Variants in PRKCQ observed in about 807,000 individuals in gnomAD.
The protein encoded by PRKCQ is protein kinase C theta, also known as protein kinase C theta type.
PRKCQ carries 41 observed loss-of-function variants against 91.2 expected under a neutral mutation model. The observed-to-expected ratio is 0.45, with a 90% CI of 0.35 to 0.58. The LOEUF (loss-of-function observed/expected upper bound fraction) is 0.58, where lower values mean the gene tolerates loss of function less well. Ranked by LOEUF, PRKCQ falls within the 20% of genes least tolerant of loss-of-function variation. The pLI is 0.00. For missense variants in PRKCQ, 673 were observed against 896.5 expected (o/e 0.75, Z 3.18); for synonymous variants, 307 against 316.9 (o/e 0.97, Z 0.33).
intron 11 of PRKCQ, among the ~76,000 whole-genome samples, 154 bp downstream of exon 11, chr10:6,483,286 C>CG (rs767150529): frequency 6.6e-5 from 10 of 152,096 alleles, no homozygotes; most frequent in Non-Finnish European, 1.3e-4. Context: ...CTAGAGCCCT[C>CG]GGGGTCCCTA....
rs376866174 is a variant in PRKCQ at position 6,497,547 on chromosome 10, A to T, written c.543-296T>A. The stretch of plus-strand genomic sequence containing the variant: ...AATGCATGCATCACAGACTCTTCGT[A>T]GCACGTTTCCCTGTGCTAGATTTAA... On this transcript the variant is annotated intron_variant, in intron 5 of 17. Coordinates refer to ENST00000263125, the MANE Select transcript of PRKCQ (RefSeq NM_006257.5). This position sits in a 1 kb window ranked among gnomAD's most constrained non-coding sequence, Gnocchi z 4.5. Among the ~76,000 whole-genome samples, 16 of 152,364 alleles carry T rather than the reference A, an allele frequency of 1.1e-4. No homozygotes were observed. The East Asian group carries it at 2.7e-3, about 26-fold the overall frequency.
At position 6,478,848 on chromosome 10, in the gene PRKCQ, G is replaced by A. The variant is rs1208504593; in HGVS notation, c.1353+144C>T. ...GTAATACTTCCATGGTGTGTAGAAG[G>A]GATGTTTGGATGGATGGCAGGTACA... On this transcript the variant is annotated intron_variant, in intron 12 of 17. Transcript: ENST00000263125. 4 of 837,678 alleles carry A rather than the reference G, an allele frequency of 4.8e-6. No homozygotes were observed. The African/African-American group carries it at 5.1e-5, about 11-fold the overall frequency. The allele number at this position is 837,678 out of a possible 1,614,324, so 51.9% of individuals were successfully genotyped here. A position where few individuals can be genotyped will look rare whatever the true frequency, so the allele number is the denominator to read the frequency against.
chr10:6,430,617 CAA>C lies in PRKCQ; in HGVS notation c.1965+191_1965+192del, dbSNP rs766862722. On this transcript the variant is annotated intron_variant, in intron 17 of 17. Transcript: ENST00000263125. The surrounding 1 kb of genome is among the most constrained non-coding windows in gnomAD (Gnocchi z 4.7). Reference sequence around the variant, plus strand: ...GACGACAGAGATTAAATTTTGCAAACAAGAGTGACCTCCCCTCCCTGCCCCAC... The same window carrying C: ...GACGACAGAGATTAAATTTTGCAAACGAGTGACCTCCCCTCCCTGCCCCAC... 7.1e-4 allele frequency among the ~76,000 whole-genome samples: 108 copies of C among 152,304 alleles called. No homozygotes were observed. The highest frequency in any genetic ancestry group is 1.2e-3 in the Non-Finnish European group (83 of 68,036).
At chr10:6,549,899 T>C (rs182085673) in intron 1 of PRKCQ, among the ~76,000 whole-genome samples, 1,585 of 152,298 alleles carry the variant, frequency 0.01, 26 homozygotes, top group African/African-American at 0.037. Context: ...CCCAAAGTGC[T>C]GGGATTACAG....
chr10:6,455,380 A>T lies in PRKCQ; in HGVS notation c.1647+1294T>A, dbSNP rs185413347. ...TCAACAATGCCATGTAAGCTAAAAGACATCATTCCTCATGGAATAGAAGCC... is the reference window on the plus strand; with the variant it reads ...TCAACAATGCCATGTAAGCTAAAAGTCATCATTCCTCATGGAATAGAAGCC... On this transcript the variant is annotated intron_variant, in intron 15 of 17. Transcript: ENST00000263125. Among the ~76,000 whole-genome samples the T allele has an allele frequency of 4.0e-4, 61 of 152,344 alleles. No homozygotes were observed. In the East Asian group the frequency reaches 6.0e-3, roughly 15 times the overall value.
intron 16 of PRKCQ, among the ~76,000 whole-genome samples, chr10:6,438,717 TCCTGAGTAGCTGAGA>T (rs1336401542): frequency 6.6e-6 from 1 of 152,132 alleles, no homozygotes; most frequent in Non-Finnish European, 1.5e-5. Flanking sequence ...CATCTCAGCC[TCCTGAGTAGCTGAGA>T]CCATAGGCGC....
chr10:6,467,296 T>TGA (rs35362449), intron 12 of PRKCQ, among the ~76,000 whole-genome samples: 42 of 111,934 alleles, frequency 3.8e-4, no homozygotes, highest in East Asian at 1.1e-3. Context: ...CCAAGCAGGC[T>TGA]GAGAGAGAGA....
intron 14 of PRKCQ, among the ~76,000 whole-genome samples, chr10:6,461,604 C>T (rs971237330): frequency 2.6e-5 from 4 of 152,204 alleles, no homozygotes; most frequent in African/African-American, 7.2e-5. Context: ...ACTGCACCCT[C>T]AGAAAATGGA....
chr10:6,537,200 T>C (rs529045350), intron 1 of PRKCQ, among the ~76,000 whole-genome samples: 34 of 152,242 alleles, frequency 2.2e-4, no homozygotes, highest in Non-Finnish European at 2.4e-4. Flanking sequence ...TTTCTCGCTT[T>C]GTTTTCTAAA....
the PRKCQ span, among the ~76,000 whole-genome samples, chr10:6,396,300 G>A: frequency 1.0e-2 from 1,518 of 152,210 alleles, 37 homozygotes; most frequent in African/African-American, 0.035. Context: ...TTCACACAGC[G>A]TAACATTTAC....
At chr10:6,513,731 T>A (rs1023956839) in intron 2 of PRKCQ, among the ~76,000 whole-genome samples, 1 of 152,144 alleles carries the variant, frequency 6.6e-6, no homozygotes, top group Non-Finnish European at 1.5e-5. Flanking sequence ...AAGGACAAAG[T>A]CAGCTGTGAA....
chr10:6,413,162 C>A, the PRKCQ span, among the ~76,000 whole-genome samples: 4 of 152,178 alleles, frequency 2.6e-5, no homozygotes, highest in Middle Eastern at 0.01. Flanking sequence ...CCATGTTAGC[C>A]AGGATGGTTT....
At chr10:6,462,220 T>C (rs576717649) in intron 14 of PRKCQ, 83 bp downstream of exon 14, 26 of 1,295,626 alleles carry the variant, frequency 2.0e-5, no homozygotes, top group Admixed American at 8.7e-5. Flanking sequence ...ATGGGCTGTC[T>C]CACAGCACTC....
rs375977441 is a variant in PRKCQ, at chr10:6,519,118, G to T, written c.-9-3974C>A. 5.3e-5 allele frequency among the ~76,000 whole-genome samples: 8 copies of T among 152,328 alleles called. No homozygotes were observed. The East Asian group carries it at 1.3e-3, about 26-fold the overall frequency. On this transcript the variant is annotated intron_variant, in intron 1 of 17. Transcript: ENST00000263125. ...AGATGTGTAATGAATACACAAGAAAGAAATTAACATAAAAGATTTTCATGG... is the reference window on the plus strand; with the variant it reads ...AGATGTGTAATGAATACACAAGAAATAAATTAACATAAAAGATTTTCATGG...
chr10:6,410,299 T>C, the PRKCQ span, among the ~76,000 whole-genome samples: 5 of 152,252 alleles, frequency 3.3e-5, no homozygotes, highest in African/African-American at 1.2e-4. Context: ...TTTCAAGTGT[T>C]ACTTACTTGA....
At chr10:6,412,161 C>T in the PRKCQ span, among the ~76,000 whole-genome samples, 2 of 152,158 alleles carry the variant, frequency 1.3e-5, no homozygotes, top group East Asian at 1.9e-4. Context: ...ATTCTCCCAT[C>T]TCAGCCTCTG....
At chr10:6,477,803 G>C (rs184653445) in intron 12 of PRKCQ, among the ~76,000 whole-genome samples, 3,174 of 152,330 alleles carry the variant, frequency 0.021, 50 homozygotes, top group Non-Finnish European at 0.032. Context: ...GGGAGGCGGA[G>C]GTTGCAGTGA....
chr10:6,448,504 G>A (rs369669449), intron 15 of PRKCQ, among the ~76,000 whole-genome samples: 1 of 152,184 alleles, frequency 6.6e-6, no homozygotes, highest in East Asian at 1.9e-4. Flanking sequence ...CGCCTCCCGG[G>A]TTCAGGCAAT....
At chr10:6,512,686 C>A (rs556004470) in intron 2 of PRKCQ, among the ~76,000 whole-genome samples, 1 of 152,142 alleles carries the variant, frequency 6.6e-6, no homozygotes, top group Non-Finnish European at 1.5e-5. Flanking sequence ...CTTTCGAGGG[C>A]CCCTTCTGTC....
Sources: allele counts gnomAD v4.1 joint callset (sites outside exome capture counted in the v4.1 genomes callset), GRCh38; gene constraint gnomAD v4.1.1; non-coding constraint Gnocchi (gnomAD v3.1); transcripts MANE v1.5; gene names NCBI Gene and HGNC (gene_info 2026-07-23, HGNC 2026-07-21).